Variants in CACNA1C observed in about 807,000 individuals in gnomAD.
CACNA1C encodes voltage-dependent L-type calcium channel subunit alpha-1C.
CACNA1C carries 30 observed loss-of-function variants against 229.0 expected under a neutral mutation model. The observed-to-expected ratio is 0.13, with a 90% confidence interval of 0.10 to 0.18. The LOEUF (loss-of-function observed/expected upper bound fraction) is 0.18, where lower values mean the gene tolerates loss of function less well. Among genes scored for constraint, CACNA1C ranks in the 10% least tolerant of loss-of-function variants. The pLI is 1.00. For missense variants in CACNA1C, 1,658 were observed against 2,845.0 expected, an observed-to-expected ratio of 0.58 and a Z score of 9.49; for synonymous variants, 1,114 against 1,132.5, an observed-to-expected ratio of 0.98 and a Z score of 0.33.
chr12:2,351,956 T>G (rs1567192447), intron 3 of CACNA1C, among the ~76,000 whole-genome samples: 1 of 152,224 alleles, frequency 6.6e-6, no homozygotes, highest in Admixed American at 6.5e-5. Flanking sequence ...TGTCAGGTTT[T>G]CTGTCTGCCC....
Position 2,126,148 on chromosome 12 carries a change from A to C in CACNA1C, c.477+5718A>C, listed in dbSNP as rs568978039. On this transcript the variant is annotated intron_variant, in intron 3 of 46. Transcript: ENST00000399655. ...TTTTTTTTTAAAAGATCTCTCTCTC[A>C]TTATTTAAATAAAAGTCTGTTTGTT... 2.0e-5 allele frequency among the ~76,000 whole-genome samples: 3 copies of C among 152,102 alleles called. No homozygotes were observed. The East Asian group carries it at 5.8e-4, about 29-fold the overall frequency.
chr12:2,257,507 T>C (rs1328508087), intron 3 of CACNA1C, among the ~76,000 whole-genome samples: 1 of 152,186 alleles, frequency 6.6e-6, no homozygotes, highest in Non-Finnish European at 1.5e-5. Flanking sequence ...CAGTTCACAA[T>C]AGGGTTTGCT....
chr12:2,060,982 G>A (rs1259404626), intron 1 of CACNA1C, among the ~76,000 whole-genome samples: 2 of 152,050 alleles, frequency 1.3e-5, no homozygotes, highest in Non-Finnish European at 2.9e-5. Flanking sequence ...ATCTACGTTG[G>A]GCTAAAACCT....
intron 3 of CACNA1C, among the ~76,000 whole-genome samples, chr12:2,141,432 A>G (rs111496097): frequency 1.8e-4 from 27 of 151,396 alleles, no homozygotes; most frequent in African/African-American, 6.3e-4. Context: ...CTTGAAGGGA[A>G]GTCGGTCATG....
intron 3 of CACNA1C, among the ~76,000 whole-genome samples, chr12:2,413,293 A>G (rs1357896408): frequency 6.6e-6 from 1 of 152,254 alleles, no homozygotes; most frequent in Non-Finnish European, 1.5e-5. Flanking sequence ...GTGGGATTAC[A>G]GGCGTGAGCC....
At chr12:2,132,319 T>G (rs1209265311) in intron 3 of CACNA1C, among the ~76,000 whole-genome samples, 1 of 72,738 alleles carries the variant, frequency 1.4e-5, no homozygotes, top group Non-Finnish European at 2.5e-5. Context: ...CTAATTGCCC[T>G]GGCCAGAACT....
rs2059727462 is a variant in CACNA1C at position 2,067,469 on chromosome 12, T to TGC, written c.49+13859_49+13860insCG. Reference sequence around the variant, plus strand: ...ATGCACGTGTGTGTGTGTGTGTGTGTGTGTGTGTGTGTGCGCGCGTGTGCG... The same window carrying TGC: ...ATGCACGTGTGTGTGTGTGTGTGTGTGCGTGTGTGTGTGTGCGCGCGTGTGCG... On this transcript the variant is annotated intron_variant, in intron 1 of 46. Transcript: ENST00000399655. This position sits in a 1 kb window ranked among gnomAD's most constrained non-coding sequence, Gnocchi z 5.3. Among the ~76,000 whole-genome samples the TGC allele has an allele frequency of 1.6e-5, 2 of 125,820 alleles. No homozygotes were observed. Among genetic ancestry groups the TGC allele is most frequent in the Non-Finnish European group, 3.5e-5 (2 of 57,908 alleles). The allele number at this position is 125,820 out of a possible 152,430, so 82.5% of individuals were successfully genotyped here. A position where few individuals can be genotyped will look rare whatever the true frequency, so the allele number is the denominator to read the frequency against.
intron 1 of CACNA1C, among the ~76,000 whole-genome samples, chr12:2,047,353 T>G (rs1028528581): frequency 4.6e-5 from 7 of 152,220 alleles, no homozygotes; most frequent in African/African-American, 1.7e-4. Context: ...TTACTTGGAC[T>G]ATTTCATTTC....
Position 2,454,210 on chromosome 12 carries a change from G to A in CACNA1C, c.618-3357G>A, listed in dbSNP as rs192750076. Among the ~76,000 whole-genome samples the A allele has an allele frequency of 1.4e-4, 22 of 152,212 alleles. 1 individual carries two copies. In the East Asian group the frequency reaches 1.5e-3, roughly 11 times the overall value. On this transcript the variant is annotated intron_variant, in intron 4 of 46. Transcript: ENST00000399655. ...CTCTTGGTTCGCTCTACTTCACTCCGACACTCACTTCTCCACCTTCCTGCA... is the reference window on the plus strand; with the variant it reads ...CTCTTGGTTCGCTCTACTTCACTCCAACACTCACTTCTCCACCTTCCTGCA...
At chr12:2,312,491 T>G (rs990098669) in intron 3 of CACNA1C, among the ~76,000 whole-genome samples, 5 of 152,164 alleles carry the variant, frequency 3.3e-5, no homozygotes, top group African/African-American at 9.7e-5. Context: ...GCCAATTCCA[T>G]TCCAACAGCA....
chr12:2,553,589 C>T (rs755292127), intron 10 of CACNA1C, among the ~76,000 whole-genome samples: 7 of 152,174 alleles, frequency 4.6e-5, no homozygotes, highest in East Asian at 3.9e-4. Flanking sequence ...TGCAGTCAGC[C>T]GTATTTTTGG....
chr12:2,185,565 G>A (rs1354025888), intron 3 of CACNA1C, among the ~76,000 whole-genome samples: 2 of 152,196 alleles, frequency 1.3e-5, no homozygotes, highest in Non-Finnish European at 2.9e-5. Flanking sequence ...AAGAAACTTG[G>A]ACACAGACAC....
intron 3 of CACNA1C, among the ~76,000 whole-genome samples, chr12:2,224,559 T>A (rs2062396257): frequency 6.6e-6 from 1 of 152,146 alleles, no homozygotes; most frequent in Admixed American, 6.5e-5. Flanking sequence ...ATGTTAGTAG[T>A]AAGGGAAGAA....
rs180881117 is a variant in CACNA1C at position 2,303,610 on chromosome 12, A to C, written c.478-145366A>C. On this transcript the variant is annotated intron_variant, in intron 3 of 46. Transcript: ENST00000399655. ...GGAGACCCTGTCTGTACAAAAAAAA[A>C]CAAACAAAATAGTATGCTACCTCTA... is the stretch of plus-strand genomic sequence containing the variant. Among the ~76,000 whole-genome samples, 34 of 152,288 alleles carry C rather than the reference A, an allele frequency of 2.2e-4. No homozygotes were observed. The East Asian group carries it at 4.1e-3, about 18-fold the overall frequency.
rs569227029 is a variant in CACNA1C, at chr12:2,685,799, C to A, written c.5637C>A (p.Ile1879=). ...TCCCAGAGGAGGACAAGAGGGACAT[C>A]CGGCAATCTCCGAAGAGGGGTTTCC... is the stretch of plus-strand genomic sequence containing the variant. The part of the protein sequence containing the change: ...LTLPEEDKRD[I]RQSPKRGFLR... Residue 1879 remains isoleucine (I), a synonymous_variant, in exon 44 of 47, where the codon ATC becomes ATA. Transcript: ENST00000399655. The A allele has an allele frequency of 2.5e-5, 40 of 1,613,706 alleles. No individual in the cohort carries two copies. The highest frequency in any genetic ancestry group is 3.4e-5 in the Non-Finnish European group (40 of 1,179,638).
intron 29 of CACNA1C, among the ~76,000 whole-genome samples, chr12:2,626,376 C>T (rs972118510): frequency 6.6e-6 from 1 of 152,170 alleles, no homozygotes; most frequent in South Asian, 2.1e-4. Context: ...GGCCTTGGTC[C>T]TGTGGATTGG....
intron 1 of CACNA1C, among the ~76,000 whole-genome samples, chr12:2,063,214 C>T (rs142288670): frequency 6.1e-4 from 92 of 150,396 alleles, no homozygotes; most frequent in Middle Eastern, 3.4e-3. Context: ...TGCAGTGGTA[C>T]GATCTCGTCT....
At chr12:2,501,231 A>AAAAAAAAT (rs2099759392) in intron 7 of CACNA1C, among the ~76,000 whole-genome samples, 2 of 150,878 alleles carry the variant, frequency 1.3e-5, no homozygotes, top group African/African-American at 4.9e-5. Context: ...AAAAAAAAAA[A>AAAAAAAAT]AAAGTAAAGC....
intron 5 of CACNA1C, among the ~76,000 whole-genome samples, chr12:2,461,636 C>T (rs1452359940): frequency 6.6e-6 from 1 of 152,188 alleles, no homozygotes; most frequent in Non-Finnish European, 1.5e-5. Context: ...CTTAGCAAGA[C>T]TCATGGCAGA....
Sources: allele counts gnomAD v4.1 joint callset (sites outside exome capture counted in the v4.1 genomes callset), GRCh38; gene constraint gnomAD v4.1.1; non-coding constraint Gnocchi (gnomAD v3.1); transcripts MANE v1.5; gene names NCBI Gene and HGNC (gene_info 2026-07-23, HGNC 2026-07-21).